The following FLT1 variants were observed in gnomAD, a reference collection of about 807,000 sequenced individuals.
The protein encoded by FLT1 is fms related receptor tyrosine kinase 1, also known as vascular endothelial growth factor receptor 1.
FLT1 carries 49 observed loss-of-function variants against 156.3 expected under a neutral mutation model. The ratio of observed to expected loss-of-function variants is 0.31; its 90% CI spans 0.25 to 0.40. The LOEUF (loss-of-function observed/expected upper bound fraction) is 0.40, where lower values mean the gene tolerates loss of function less well. Among genes scored for constraint, FLT1 ranks in the 10% least tolerant of loss-of-function variants. FLT1 has a pLI of 1.00. For synonymous variants in FLT1, 594 were observed against 583.8 expected, an observed-to-expected ratio of 1.02 and a Z score of -0.25; for missense variants, 1,322 against 1,637.2, an observed-to-expected ratio of 0.81 and a Z score of 3.32.
intron 27 of FLT1, among the ~76,000 whole-genome samples, chr13:28,311,104 C>T (rs1453289354): frequency 6.6e-6 from 1 of 152,068 alleles, no homozygotes; most frequent in Non-Finnish European, 1.5e-5. Context: ...ACTACAGGTG[C>T]CCACCACCAC....
intron 25 of FLT1, among the ~76,000 whole-genome samples, chr13:28,314,321 C>T (rs1327643217): frequency 3.3e-5 from 5 of 152,238 alleles, no homozygotes; most frequent in African/African-American, 1.2e-4. Context: ...ACTTTTGACT[C>T]TTGGATTCCG....
intron 12 of FLT1, 54 bp downstream of exon 12, chr13:28,396,906 T>C (rs921984183): frequency 9.6e-7 from 1 of 1,037,924 alleles, no homozygotes; most frequent in Middle Eastern, 2.0e-4. Flanking sequence ...CAAACAAGAC[T>C]GAAGAGAGAA....
intron 14 of FLT1, among the ~76,000 whole-genome samples, chr13:28,375,879 G>A (rs1015190112): frequency 2.6e-5 from 4 of 152,184 alleles, no homozygotes; most frequent in African/African-American, 9.7e-5. Flanking sequence ...TGTACCGTAA[G>A]GATAGATTTC....
At chr13:28,307,484 C>T (rs893680388) in intron 28 of FLT1, among the ~76,000 whole-genome samples, 5 of 152,062 alleles carry the variant, frequency 3.3e-5, no homozygotes, top group African/African-American at 7.2e-5. Flanking sequence ...AATTCTTTCA[C>T]GTTTTGCTCA....
intron 14 of FLT1, among the ~76,000 whole-genome samples, chr13:28,378,901 C>T (rs1593723952): frequency 6.6e-6 from 1 of 152,126 alleles, no homozygotes; most frequent in South Asian, 2.1e-4. Flanking sequence ...ATAGAGAAGA[C>T]ATATTAAGAT....
At chr13:28,462,544 A>G (rs1879638461) in intron 3 of FLT1, among the ~76,000 whole-genome samples, 2 of 152,244 alleles carry the variant, frequency 1.3e-5, no homozygotes. Flanking sequence ...CATTTTTAAC[A>G]AAGCAATTTT....
At chr13:28,345,961 T>TAA (rs575637976) in intron 15 of FLT1, 190 of 123,324 alleles carry the variant, frequency 1.5e-3, no homozygotes, top group African/African-American at 4.4e-3. Flanking sequence ...GAGGAAATTC[T>TAA]AAAAAAAAAA....
At chr13:28,462,268 T>C (rs182528343) in intron 3 of FLT1, among the ~76,000 whole-genome samples, 1 of 152,336 alleles carries the variant, frequency 6.6e-6, no homozygotes. Flanking sequence ...ATAACTCATA[T>C]ATTACAATAA....
intron 4 of FLT1, among the ~76,000 whole-genome samples, chr13:28,437,856 C>T (rs1372916992): frequency 6.6e-6 from 1 of 152,194 alleles, no homozygotes; most frequent in Admixed American, 6.5e-5. Flanking sequence ...GACATTCTGT[C>T]TTCTCTGCAG....
intron 18 of FLT1, 75 bp downstream of exon 18, chr13:28,333,950 A>G (rs1438387895): frequency 2.1e-6 from 2 of 943,064 alleles, no homozygotes; most frequent in East Asian, 2.4e-5. Flanking sequence ...CCCAGGCTAT[A>G]TCTAACTTGT....
At chr13:28,403,779 C>T (rs932155315) in intron 11 of FLT1, among the ~76,000 whole-genome samples, 4 of 152,198 alleles carry the variant, frequency 2.6e-5, no homozygotes, top group Non-Finnish European at 4.4e-5. Context: ...TGTGGTGGCT[C>T]ATGCCTGTAA....
At chr13:28,368,780 C>A in intron 14 of FLT1, 1 of 595,420 alleles carries the variant, frequency 1.7e-6, no homozygotes, top group Non-Finnish European at 3.0e-6. Flanking sequence ...TCTCTGCGCA[C>A]TGCAATCTCC....
intron 15 of FLT1, among the ~76,000 whole-genome samples, chr13:28,352,387 C>G (rs1454982908): frequency 6.6e-6 from 1 of 152,214 alleles, no homozygotes; most frequent in Non-Finnish European, 1.5e-5. Flanking sequence ...CCCAGGCCCT[C>G]GCAGAGCCCA....
At chr13:28,457,058 G>C (rs1879307493) in intron 3 of FLT1, among the ~76,000 whole-genome samples, 1 of 152,076 alleles carries the variant, frequency 6.6e-6, no homozygotes, top group Non-Finnish European at 1.5e-5. Context: ...TACCATTCTG[G>C]TGGGGAATGT....
At chr13:28,376,018 G>A (rs1438994335) in intron 14 of FLT1, among the ~76,000 whole-genome samples, 5 of 152,210 alleles carry the variant, frequency 3.3e-5, no homozygotes, top group Non-Finnish European at 7.4e-5. Flanking sequence ...GTGACAGATG[G>A]TCAGTTTTTC....
At chr13:28,460,024 G>A (rs1161712239) in intron 3 of FLT1, among the ~76,000 whole-genome samples, 1 of 152,244 alleles carries the variant, frequency 6.6e-6, no homozygotes, top group African/African-American at 2.4e-5. Flanking sequence ...CTCTGTTGAT[G>A]TCCCTGCTGG....
Position 28,313,904 on chromosome 13 carries a change from A to AGAG in FLT1, c.3387-1807_3387-1806insCTC, listed in dbSNP as rs1555299021. On this transcript the variant is annotated intron_variant, in intron 25 of 29. Transcript: ENST00000282397. ...ACAGGGAGGTAAAAAAAAAAAAAAAAAAAAAGAAGAATCCGGGTGTGGTGG... is the reference window on the plus strand; with the variant it reads ...ACAGGGAGGTAAAAAAAAAAAAAAAAGAGAAAAAGAAGAATCCGGGTGTGGTGG... Among the ~76,000 whole-genome samples the AGAG allele has an allele frequency of 1.5e-3, 73 of 48,746 alleles. No homozygotes were observed. In the East Asian group the frequency reaches 0.33, roughly 218 times the overall value. 32.0% of individuals were successfully genotyped at this position (48,746 alleles called of 152,430 possible). A position where few individuals can be genotyped will look rare whatever the true frequency, so the allele number is the denominator to read the frequency against.
In FLT1 at chr13:28,394,159, G is replaced by A. The variant is rs779130722; in HGVS notation, c.1660+2801C>T. On this transcript the variant is annotated intron_variant, in intron 12 of 29. Transcript: ENST00000282397. The stretch of plus-strand genomic sequence containing the variant: ...AATTATTTAAAAACTAATAATGAAC[G>A]TAAGCAAGTTAACCTAATATCACAA... 2.0e-5 allele frequency among the ~76,000 whole-genome samples: 3 copies of A among 152,240 alleles called. 1 individual carries two copies. Among genetic ancestry groups the A allele is most frequent in the Non-Finnish European group, 1.5e-5 (1 of 68,020 alleles).
intron 29 of FLT1, 72 bp from the exon 30 acceptor site, chr13:28,303,440 T>A: frequency 1.6e-6 from 2 of 1,286,038 alleles, no homozygotes; most frequent in Non-Finnish European, 2.2e-6. Context: ...TAAAATCTAC[T>A]CTTTCTGAGT....
Sources: allele counts gnomAD v4.1 joint callset (sites outside exome capture counted in the v4.1 genomes callset), GRCh38; gene constraint gnomAD v4.1.1; transcripts MANE v1.5; gene names NCBI Gene and HGNC (gene_info 2026-07-23, HGNC 2026-07-21).